Variants in SLIT2 observed in about 807,000 individuals in gnomAD.
SLIT2 encodes slit homolog 2 protein.
SLIT2 carries 41 observed loss-of-function variants against 185.7 expected under a neutral mutation model. The ratio of observed to expected loss-of-function variants is 0.22; its 90% CI spans 0.17 to 0.29. SLIT2 has a LOEUF of 0.29. Among genes scored for constraint, SLIT2 ranks in the 10% least tolerant of loss-of-function variants. SLIT2 has a pLI of 1.00. For missense variants in SLIT2, 1,571 were observed against 1,909.0 expected, an observed-to-expected ratio of 0.82 and a Z score of 3.30; for synonymous variants, 693 against 680.2, an observed-to-expected ratio of 1.02 and a Z score of -0.29.
At chr4:20,428,305 G>A (rs1728707062) in intron 4 of SLIT2, among the ~76,000 whole-genome samples, 1 of 152,176 alleles carries the variant, frequency 6.6e-6, no homozygotes, top group Non-Finnish European at 1.5e-5. Flanking sequence ...GCCACTCAGG[G>A]CGAGATGGAG....
At chr4:20,267,777 C>G (rs1036470543) in intron 3 of SLIT2, among the ~76,000 whole-genome samples, 1 of 151,778 alleles carries the variant, frequency 6.6e-6, no homozygotes, top group Admixed American at 6.6e-5. Context: ...GCCCTCTTTT[C>G]CTGTCCCTTT....
chr4:20,357,179 A>G lies in SLIT2; in HGVS notation c.395+88298A>G, dbSNP rs191271455. Among the ~76,000 whole-genome samples, 128 of 152,252 alleles carry G rather than the reference A, an allele frequency of 8.4e-4. 1 individual carries two copies. Among genetic ancestry groups the G allele is most frequent in the African/African-American group, 2.9e-3 (122 of 41,576 alleles). Reference sequence around the variant, plus strand: ...CCCATCAAGGTTACATCATGTTTCCATTACTCCTTTAATTGGGGGAAGTTT... The same window carrying G: ...CCCATCAAGGTTACATCATGTTTCCGTTACTCCTTTAATTGGGGGAAGTTT... On this transcript the variant is annotated intron_variant, in intron 4 of 36. Coordinates refer to ENST00000504154, the MANE Select transcript of SLIT2 (RefSeq NM_004787.4).
In SLIT2 at chr4:20,272,271, T is replaced by TAAA. The variant is rs5856553; in HGVS notation, c.395+3402_395+3404dup. Among the ~76,000 whole-genome samples, 426 of 145,266 alleles carry TAAA rather than the reference T, an allele frequency of 2.9e-3. 4 individuals carry two copies. Among genetic ancestry groups the TAAA allele is most frequent in the Non-Finnish European group, 4.4e-3 (289 of 66,234 alleles). ...AAATAAGGGACGATAGGTTGGAGGT[T>TAAA]AAAAAAAAAAAAAATAAGCCAGCAT... is the stretch of plus-strand genomic sequence containing the variant. On this transcript the variant is annotated intron_variant, in intron 4 of 36. Transcript: ENST00000504154.
rs1463542392 is a variant in SLIT2 at position 20,254,527 on chromosome 4, G to T, written c.179+533G>T. Among the ~76,000 whole-genome samples the T allele has an allele frequency of 6.6e-6, 1 of 152,094 alleles. No homozygotes were observed. Among genetic ancestry groups the T allele is most frequent in the African/African-American group, 2.4e-5 (1 of 41,426 alleles). ...GGAAGAAGGGGTCATGGAGTGCCTG[G>T]GGGTGCTTCTCACAGGTCGCGGGGA... On this transcript the variant is annotated intron_variant, in intron 1 of 36. Transcript: ENST00000504154. The surrounding 1 kb of genome is among the most constrained non-coding windows in gnomAD (Gnocchi z 5.1).
chr4:20,513,979 G>GTT, intron 11 of SLIT2, among the ~76,000 whole-genome samples: 1 of 152,284 alleles, frequency 6.6e-6, no homozygotes, highest in African/African-American at 2.4e-5. Flanking sequence ...GAATGCAATT[G>GTT]TAACTACAGG....
chr4:20,401,251 C>T (rs1024489797), intron 4 of SLIT2, among the ~76,000 whole-genome samples: 2 of 151,862 alleles, frequency 1.3e-5, no homozygotes, highest in African/African-American at 2.4e-5. Flanking sequence ...CTTGAAAGAA[C>T]GTTGTCTCTC....
chr4:20,536,383 C>T (rs1033993169), intron 18 of SLIT2, among the ~76,000 whole-genome samples: 1 of 151,720 alleles, frequency 6.6e-6, no homozygotes, highest in Non-Finnish European at 1.5e-5. Flanking sequence ...ATGGTGAAAC[C>T]CCATCTCTAC....
At chr4:20,602,696 C>A (rs140173922) in intron 33 of SLIT2, among the ~76,000 whole-genome samples, 1 of 152,142 alleles carries the variant, frequency 6.6e-6, no homozygotes, top group African/African-American at 2.4e-5. Context: ...GAACCCCTTG[C>A]GTAAAAGGAA....
At chr4:20,397,570 C>T (rs1476047730) in intron 4 of SLIT2, among the ~76,000 whole-genome samples, 1 of 151,778 alleles carries the variant, frequency 6.6e-6, no homozygotes, top group South Asian at 2.1e-4. Context: ...TACAATTTTG[C>T]AAGGCAGTTA....
In SLIT2 at chr4:20,472,480, ATATC is replaced by A. The variant is rs1336354607; in HGVS notation, c.467+4661_467+4664del. Among the ~76,000 whole-genome samples the A allele has an allele frequency of 1.4e-4, 4 of 28,460 alleles. 1 individual carries two copies. The highest frequency in any genetic ancestry group is 1.7e-3 in the South Asian group (1 of 592). The allele number at this position is 28,460 out of a possible 152,430, so 18.7% of individuals were successfully genotyped here. ...TATATCTATATCTATATATAGATAT[ATATC>A]TATATATAGATATATATCTATATAT... On this transcript the variant is annotated intron_variant, in intron 5 of 36. Transcript: ENST00000504154.
At chr4:20,376,115 CTTTTTTTTTT>C (rs71653881) in intron 4 of SLIT2, among the ~76,000 whole-genome samples, 23 of 79,668 alleles carry the variant, frequency 2.9e-4, no homozygotes, top group South Asian at 4.9e-4. Flanking sequence ...CATTGTTTAA[CTTTTTTTTTT>C]TTTTTTTTTT....
chr4:20,312,225 T>C (rs781310782), intron 4 of SLIT2, among the ~76,000 whole-genome samples: 8 of 152,316 alleles, frequency 5.3e-5, no homozygotes, highest in Non-Finnish European at 1.0e-4. Flanking sequence ...TATGGAAAAT[T>C]TGAGTTACTC....
intron 30 of SLIT2, among the ~76,000 whole-genome samples, chr4:20,591,052 G>A (rs1029306883): frequency 1.3e-5 from 2 of 152,160 alleles, no homozygotes; most frequent in Admixed American, 1.3e-4. Flanking sequence ...CTAGCAAATA[G>A]CATTATCTGT....
chr4:20,537,016 C>G (rs1722357827), intron 18 of SLIT2, among the ~76,000 whole-genome samples: 1 of 152,146 alleles, frequency 6.6e-6, no homozygotes, highest in South Asian at 2.1e-4. Context: ...ATGCAAGGAG[C>G]TATCATCTCC....
intron 11 of SLIT2, among the ~76,000 whole-genome samples, chr4:20,516,487 A>G (rs1344288183): frequency 6.6e-6 from 1 of 152,176 alleles, no homozygotes; most frequent in Non-Finnish European, 1.5e-5. Context: ...TTTTCTTTTC[A>G]GCTGATACCA....
intron 11 of SLIT2, among the ~76,000 whole-genome samples, chr4:20,511,526 A>G (rs1577821521): frequency 7.5e-6 from 1 of 132,584 alleles, no homozygotes; most frequent in Non-Finnish European, 1.5e-5. Flanking sequence ...GGTTCATGCC[A>G]TTCTCCTGCC....
chr4:20,342,717 CTTTTTTTTTTT>C (rs11373611), intron 4 of SLIT2, among the ~76,000 whole-genome samples: 5 of 69,680 alleles, frequency 7.2e-5, no homozygotes, highest in Non-Finnish European at 1.2e-4. Flanking sequence ...GACTATCGCA[CTTTTTTTTTTT>C]TTTTTTTTTT....
At chr4:20,343,720 T>C (rs1284159367) in intron 4 of SLIT2, among the ~76,000 whole-genome samples, 1 of 149,910 alleles carries the variant, frequency 6.7e-6, no homozygotes, top group Non-Finnish European at 1.5e-5. Context: ...TTGCTCAGGC[T>C]GGTCTGAAAC....
intron 11 of SLIT2, among the ~76,000 whole-genome samples, chr4:20,513,947 C>G (rs563068575): frequency 6.6e-6 from 1 of 152,134 alleles, no homozygotes; most frequent in East Asian, 1.9e-4. Flanking sequence ...GTAGTGGGTG[C>G]TTGAAACTGA....
Sources: gnomAD v4.1 joint callset for allele counts (sites outside exome capture counted in the v4.1 genomes callset) on GRCh38, gnomAD v4.1.1 for gene constraint, Gnocchi (gnomAD v3.1) non-coding constraint, MANE v1.5 for transcripts, NCBI Gene and HGNC (gene_info 2026-07-23, HGNC 2026-07-21) for gene names.